The following DRC9 variants were observed in gnomAD, a reference collection of about 807,000 sequenced individuals.
The protein encoded by DRC9 is dynein regulatory complex protein 9.
the DRC9 span, among the ~76,000 whole-genome samples, chr3:197,942,399 A>G: frequency 6.7e-6 from 1 of 148,310 alleles, no homozygotes; most frequent in African/African-American, 2.4e-5. Flanking sequence ...AAAAAAAAAA[A>G]AAAAAAAAAA....
chr3:197,946,299 G>A, the DRC9 span, among the ~76,000 whole-genome samples: 1 of 151,942 alleles, frequency 6.6e-6, no homozygotes. Flanking sequence ...GCCGGGCGTG[G>A]TGGCGGGTGC....
chr3:197,943,780 CG>C, the DRC9 span: 1 of 1,613,940 alleles, frequency 6.2e-7, no homozygotes, highest in Non-Finnish European at 8.5e-7. Flanking sequence ...GTCTATACCA[CG>C]CAGATGCTCT....
the DRC9 span, among the ~76,000 whole-genome samples, chr3:197,935,811 C>T: frequency 3.3e-5 from 5 of 152,164 alleles, no homozygotes; most frequent in Non-Finnish European, 7.4e-5. Context: ...TGACCATTCA[C>T]GTTATAGTCT....
At chr3:197,907,191 T>TC in the DRC9 span, among the ~76,000 whole-genome samples, 1 of 152,306 alleles carries the variant, frequency 6.6e-6, no homozygotes, top group African/African-American at 2.4e-5. Flanking sequence ...AGGCAGATGC[T>TC]CCCCTCACTA....
At chr3:197,934,451 C>T in the DRC9 span, among the ~76,000 whole-genome samples, 1 of 152,140 alleles carries the variant, frequency 6.6e-6, no homozygotes, top group East Asian at 1.9e-4. Context: ...TCCCAAAGTG[C>T]TGGGATTACA....
At chr3:197,951,058 A>G in the DRC9 span, 2 of 1,604,696 alleles carry the variant, frequency 1.2e-6, no homozygotes, top group African/African-American at 2.7e-5. Flanking sequence ...GCAAGAAAAA[A>G]CTTAGATGTT....
At chr3:197,915,842 T>G in the DRC9 span, among the ~76,000 whole-genome samples, 2 of 152,188 alleles carry the variant, frequency 1.3e-5, no homozygotes, top group Non-Finnish European at 2.9e-5. Flanking sequence ...TTGGTCAGGA[T>G]GGTCTTGATC....
the DRC9 span, among the ~76,000 whole-genome samples, chr3:197,947,959 G>T: frequency 7.4e-6 from 1 of 134,822 alleles, no homozygotes; most frequent in Non-Finnish European, 1.6e-5. Flanking sequence ...TTTTGAGACG[G>T]TCTCACTCTG....
At chr3:197,954,322 GTTGT>G in the DRC9 span, 54 of 720,514 alleles carry the variant, frequency 7.5e-5, 2 homozygotes, top group Middle Eastern at 5.3e-4. Context: ...TAGGTGTTTG[GTTGT>G]TTGTTTTTTG....
At chr3:197,944,292 CTT>C in the DRC9 span, among the ~76,000 whole-genome samples, 1 of 148,828 alleles carries the variant, frequency 6.7e-6, no homozygotes, top group Non-Finnish European at 1.5e-5. Flanking sequence ...GAGTTTCGCT[CTT>C]GTTGCCCAGG....
the DRC9 span, chr3:197,955,869 T>A: frequency 1.9e-6 from 2 of 1,053,524 alleles, no homozygotes; most frequent in Non-Finnish European, 3.0e-6. Context: ...GCTACATGCT[T>A]AAAATGATAG....
At chr3:197,889,764 T>A in the DRC9 span, 6 of 1,606,414 alleles carry the variant, frequency 3.7e-6, no homozygotes, top group South Asian at 4.4e-5. Context: ...CCTGACAAGC[T>A]GCATTCTTTC....
the DRC9 span, among the ~76,000 whole-genome samples, chr3:197,922,903 C>A: frequency 6.6e-6 from 1 of 152,032 alleles, no homozygotes; most frequent in Middle Eastern, 3.4e-3. Flanking sequence ...AAAGTCTATT[C>A]ATTACAGAGA....
chr3:197,959,992 A>G, the DRC9 span: 1 of 554,824 alleles, frequency 1.8e-6, no homozygotes, highest in South Asian at 2.4e-5. Flanking sequence ...AACGCCCGCT[A>G]GCCTTTCTTC....
the DRC9 span, among the ~76,000 whole-genome samples, chr3:197,915,070 A>G: frequency 6.6e-6 from 1 of 151,168 alleles, no homozygotes; most frequent in African/African-American, 2.4e-5. Flanking sequence ...AGGCTGAGGC[A>G]GAAGAATCAC....
the DRC9 span, among the ~76,000 whole-genome samples, chr3:197,941,543 T>TTCCC: frequency 1.0e-3 from 88 of 86,218 alleles, no homozygotes; most frequent in Non-Finnish European, 1.3e-3. Flanking sequence ...CTTTCTTTCT[T>TTCCC]TCCCTCCCTC....
At chr3:197,918,258 C>CTTTTTTT in the DRC9 span, among the ~76,000 whole-genome samples, 10 of 60,310 alleles carry the variant, frequency 1.7e-4, no homozygotes, top group African/African-American at 1.9e-4. Context: ...TAATTTTTTG[C>CTTTTTTT]TTTTTTTTTT....
At chr3:197,917,734 CT>C in the DRC9 span, among the ~76,000 whole-genome samples, 6 of 146,404 alleles carry the variant, frequency 4.1e-5, no homozygotes, top group African/African-American at 1.6e-4. Context: ...TTTCTCTTTT[CT>C]CTTTTTTTTT....
chr3:197,956,880 G>T, the DRC9 span: 127,701 of 152,150 alleles, frequency 0.84, 53,781 homozygotes, highest in East Asian at 0.99. Context: ...CAGTCTTTTT[G>T]TCTGCCCCCT....
Sources: allele counts gnomAD v4.1 joint callset (sites outside exome capture counted in the v4.1 genomes callset), GRCh38; gene constraint gnomAD v4.1.1; transcripts MANE v1.5; gene names NCBI Gene and HGNC (gene_info 2026-07-23, HGNC 2026-07-21).